Variants in TMEM232 observed in about 807,000 individuals in gnomAD.
The protein encoded by TMEM232 is transmembrane protein 232.
In TMEM232, 80 loss-of-function variants were observed where a neutral mutation model predicts 78.8. That is an observed-to-expected ratio of 1.01 (90% CI 0.85 to 1.22). The LOEUF (loss-of-function observed/expected upper bound fraction) is 1.22, where lower values mean the gene tolerates loss of function less well. TMEM232 is among the 50% of genes most tolerant of loss of function. The pLI is 0.00. For missense variants in TMEM232, 881 were observed against 742.2 expected (o/e 1.19, Z -2.17); for synonymous variants, 297 against 254.3 (o/e 1.17, Z -1.60).
chr5:110,586,740 G>T (rs1778861972), intron 10 of TMEM232, among the ~76,000 whole-genome samples: 1 of 151,934 alleles, frequency 6.6e-6, no homozygotes, highest in Non-Finnish European at 1.5e-5. Context: ...GCACAGCAAG[G>T]GAAGACTTTC....
At chr5:110,733,507 A>T (rs1308073102) in intron 2 of TMEM232, among the ~76,000 whole-genome samples, 1 of 152,372 alleles carries the variant, frequency 6.6e-6, no homozygotes, top group East Asian at 1.9e-4. Flanking sequence ...CAGCCATAAA[A>T]AAGAACAAGA....
chr5:110,630,036 T>C (rs1048426084), intron 5 of TMEM232, among the ~76,000 whole-genome samples: 1 of 152,154 alleles, frequency 6.6e-6, no homozygotes, highest in Non-Finnish European at 1.5e-5. Flanking sequence ...TAATAAAGCA[T>C]TCTGTCAAAA....
Position 110,629,262 on chromosome 5 carries a change from T to C in TMEM232, c.502-1382A>G, listed in dbSNP as rs145632176. Among the ~76,000 whole-genome samples, 3 of 152,142 alleles carry C rather than the reference T, an allele frequency of 2.0e-5. No individual in the cohort carries two copies. The East Asian group carries it at 5.8e-4, about 29-fold the overall frequency. ...TGAAAAAAAATATAATATTCAAAAA[T>C]GTAATAGGGGACAAAACAGAAAATA... On this transcript the variant is annotated intron_variant, in intron 5 of 13. Transcript: ENST00000455884.
intron 1 of TMEM232, among the ~76,000 whole-genome samples, chr5:110,701,532 C>G (rs144408785): frequency 0.012 from 1,839 of 152,064 alleles, 45 homozygotes; most frequent in African/African-American, 0.041. Flanking sequence ...TCCCCATCAT[C>G]CAGCAGTCCC....
intron 1 of TMEM232, among the ~76,000 whole-genome samples, chr5:110,685,312 A>G (rs1793261431): frequency 6.6e-6 from 1 of 152,132 alleles, no homozygotes; most frequent in South Asian, 2.1e-4. Context: ...AATAACAGCA[A>G]AGTAGACCCC....
chr5:110,643,149 C>T lies in TMEM232; in HGVS notation c.126-778G>A, dbSNP rs80045113. 9.0e-3 allele frequency among the ~76,000 whole-genome samples: 1,368 copies of T among 152,024 alleles called. 19 individuals carry two copies. The highest frequency in any genetic ancestry group is 0.031 in the African/African-American group (1,293 of 41,512). On this transcript the variant is annotated intron_variant, in intron 2 of 13. Transcript: ENST00000455884. Reference sequence around the variant, plus strand: ...TTAGGCATGAGAGAAAGAAAGAAGTCGTGACTCAACTGAGGAACTAGAAGG... The same window carrying T: ...TTAGGCATGAGAGAAAGAAAGAAGTTGTGACTCAACTGAGGAACTAGAAGG...
At chr5:110,683,100 G>A (rs1792953563) in intron 1 of TMEM232, among the ~76,000 whole-genome samples, 1 of 151,972 alleles carries the variant, frequency 6.6e-6, no homozygotes, top group Non-Finnish European at 1.5e-5. Flanking sequence ...CAAGTGGAAA[G>A]GAACACTTAT....
chr5:110,707,038 G>A (rs1031404830), intron 1 of TMEM232, among the ~76,000 whole-genome samples: 1 of 152,120 alleles, frequency 6.6e-6, no homozygotes, highest in Admixed American at 6.6e-5. Context: ...CCAAAAGGGA[G>A]AAATTTTCAG....
In TMEM232 at chr5:110,737,282, CAAT is replaced by C. The variant is rs1211938914; in HGVS notation, c.-126+708_-126+710del. Among the ~76,000 whole-genome samples, 5 of 151,344 alleles carry C rather than the reference CAAT, an allele frequency of 3.3e-5. No individual in the cohort carries two copies. The East Asian group carries it at 7.7e-4, about 23-fold the overall frequency. On this transcript the variant is annotated intron_variant, in intron 1 of 4. Transcript: ENST00000512886. ...ACACTTTAAATAATAAATTATTAAT[CAAT>C]AATAATTATTTGATATTTGCATTCC...
chr5:110,407,291 C>T (rs1755828294), intron 2 of TMEM232, among the ~76,000 whole-genome samples: 1 of 151,914 alleles, frequency 6.6e-6, no homozygotes, highest in African/African-American at 2.4e-5. Flanking sequence ...TACATGTTGC[C>T]TCAAGAAACC....
intron 7 of TMEM232, among the ~76,000 whole-genome samples, chr5:110,619,630 T>C (rs1783379213): frequency 6.6e-6 from 1 of 152,178 alleles, no homozygotes; most frequent in South Asian, 2.1e-4. Flanking sequence ...AAAGCATTAG[T>C]CTGAGACATA....
upstream of TMEM232, among the ~76,000 whole-genome samples, chr5:110,738,509 G>A (rs1799454119): frequency 6.6e-6 from 1 of 152,132 alleles, no homozygotes. Context: ...GTGGTCCACA[G>A]TACTTTCGCG....
rs374273403 is a variant in TMEM232 at position 110,513,322 on chromosome 5, T to C, written c.1703+15266A>G. 6.6e-5 allele frequency among the ~76,000 whole-genome samples: 10 copies of C among 152,104 alleles called. 1 individual carries two copies. The East Asian group carries it at 7.7e-4, about 12-fold the overall frequency. On this transcript the variant is annotated intron_variant, in intron 12 of 13. Transcript: ENST00000455884. ...AACTAAAAACAAAACTTCTGCAAAG[T>C]CAAGGAAACAATCAACAGAGTGAAG...
At position 110,419,500 on chromosome 5, in the gene TMEM232, GTTAC is replaced by G. The variant is rs1004616550; in HGVS notation, c.*1076_*1079del. ...TTAAAAAATTAGTTGCCAACATTTG[GTTAC>G]TTAGCTACTTTTATTTTGAAAAATA... is the stretch of plus-strand genomic sequence containing the variant. On this transcript the variant is annotated 3_prime_UTR_variant, in exon 14 of 14. Transcript: ENST00000455884. Among the ~76,000 whole-genome samples the G allele has an allele frequency of 4.6e-5, 7 of 152,030 alleles. No individual in the cohort carries two copies. The highest frequency in any genetic ancestry group is 4.6e-4 in the Admixed American group (7 of 15,266).
At chr5:110,679,871 C>CAA (rs1554076145) in intron 1 of TMEM232, among the ~76,000 whole-genome samples, 1 of 152,020 alleles carries the variant, frequency 6.6e-6, no homozygotes, top group Non-Finnish European at 1.5e-5. Flanking sequence ...TGATTTTTGG[C>CAA]TGTCTTTTTA....
intron 8 of TMEM232, among the ~76,000 whole-genome samples, chr5:110,613,817 T>C (rs1023606904): frequency 1.3e-5 from 2 of 152,142 alleles, no homozygotes; most frequent in Non-Finnish European, 2.9e-5. Context: ...GTATATTGTT[T>C]ATCTGGAGTT....
chr5:110,446,482 T>C (rs1216620689), intron 12 of TMEM232, among the ~76,000 whole-genome samples: 2 of 152,136 alleles, frequency 1.3e-5, no homozygotes, highest in African/African-American at 2.4e-5. Flanking sequence ...AGAGAAGCAA[T>C]TGCTTGCCAT....
intron 1 of TMEM232, among the ~76,000 whole-genome samples, chr5:110,698,016 A>G (rs1580711730): frequency 6.6e-6 from 1 of 152,346 alleles, no homozygotes; most frequent in African/African-American, 2.4e-5. Flanking sequence ...TATTCACAAT[A>G]GCAAAGACTT....
At chr5:110,475,330 C>A (rs1418975395) in intron 12 of TMEM232, among the ~76,000 whole-genome samples, 2 of 151,436 alleles carry the variant, frequency 1.3e-5, no homozygotes, top group African/African-American at 4.8e-5. Flanking sequence ...AGGAAGAAAA[C>A]TTTTGATGCC....
Sources: allele counts gnomAD v4.1 joint callset (sites outside exome capture counted in the v4.1 genomes callset), GRCh38; gene constraint gnomAD v4.1.1; transcripts MANE v1.5; gene names NCBI Gene and HGNC (gene_info 2026-07-23, HGNC 2026-07-21).